MOB3B: variants seen among roughly 807,000 people sequenced by gnomAD.
MOB3B encodes the protein MOB kinase activator-like 2B.
Under a neutral mutation model 18.7 loss-of-function variants are expected in MOB3B, and 7 were observed. That is an observed-to-expected ratio of 0.37 (90% confidence interval 0.21 to 0.70). MOB3B has a LOEUF of 0.70. Among genes scored for constraint, MOB3B ranks in the 30% least tolerant of loss-of-function variants. MOB3B has a pLI of 0.52. For missense variants in MOB3B, 253 were observed against 281.3 expected (o/e 0.90, Z 0.72); for synonymous variants, 111 against 99.9 (o/e 1.11, Z -0.66).
intron 2 of MOB3B, among the ~76,000 whole-genome samples, chr9:27,447,049 G>T (rs1197200838): frequency 2.0e-5 from 3 of 152,084 alleles, no homozygotes; most frequent in African/African-American, 7.2e-5. Context: ...TGTCTGCAGA[G>T]ACCTTTGCAG....
chr9:27,389,238 C>T (rs1299704220), intron 2 of MOB3B, among the ~76,000 whole-genome samples: 1 of 152,168 alleles, frequency 6.6e-6, no homozygotes, highest in African/African-American at 2.4e-5. Flanking sequence ...ATCAGAAACT[C>T]TGGGAGTGGG....
chr9:27,442,535 G>A (rs899193846), intron 2 of MOB3B, among the ~76,000 whole-genome samples: 1 of 152,190 alleles, frequency 6.6e-6, no homozygotes, highest in Non-Finnish European at 1.5e-5. Flanking sequence ...CAGGAGACTG[G>A]AGGAGGGAAG....
At chr9:27,524,297 T>C (rs1587279117) in intron 1 of MOB3B, 3 of 1,585,228 alleles carry the variant, frequency 1.9e-6, no homozygotes, top group Non-Finnish European at 2.6e-6. Flanking sequence ...AACATCATTG[T>C]CATATACACA....
At chr9:27,512,376 G>A (rs1380885664) in intron 1 of MOB3B, among the ~76,000 whole-genome samples, 3 of 152,106 alleles carry the variant, frequency 2.0e-5, no homozygotes, top group Admixed American at 6.5e-5. Context: ...TGCCAAGTCC[G>A]AGACTCAGGC....
intron 2 of MOB3B, among the ~76,000 whole-genome samples, chr9:27,428,651 G>A (rs1485428322): frequency 6.6e-6 from 1 of 152,216 alleles, no homozygotes; most frequent in Non-Finnish European, 1.5e-5. Context: ...TTATTGCCAG[G>A]GAAGATGGCC....
At chr9:27,331,809 T>C (rs1330351883) in intron 3 of MOB3B, among the ~76,000 whole-genome samples, 2 of 152,170 alleles carry the variant, frequency 1.3e-5, no homozygotes, top group Non-Finnish European at 2.9e-5. Context: ...CCACACCTTA[T>C]ATAATAGGAA....
intron 2 of MOB3B, among the ~76,000 whole-genome samples, chr9:27,365,219 T>C (rs1034917344): frequency 4.7e-4 from 70 of 149,782 alleles, no homozygotes; most frequent in African/African-American, 1.7e-3. Flanking sequence ...AGACTCCTGA[T>C]ATATATAGTC....
intron 3 of MOB3B, among the ~76,000 whole-genome samples, chr9:27,340,214 G>A (rs540789668): frequency 3.9e-5 from 6 of 152,330 alleles, no homozygotes; most frequent in African/African-American, 1.4e-4. Flanking sequence ...GTGTGAATGT[G>A]TGCACATATG....
chr9:27,373,493 G>C (rs1469082138), intron 2 of MOB3B, among the ~76,000 whole-genome samples: 1 of 152,146 alleles, frequency 6.6e-6, no homozygotes, highest in African/African-American at 2.4e-5. Flanking sequence ...TCCAGCACTG[G>C]AAGTTGACCT....
intron 1 of MOB3B, among the ~76,000 whole-genome samples, chr9:27,465,485 A>G (rs1819367370): frequency 6.6e-6 from 1 of 152,150 alleles, no homozygotes; most frequent in African/African-American, 2.4e-5. Context: ...GCACAGTGCA[A>G]GCTGTCAGTG....
intron 2 of MOB3B, among the ~76,000 whole-genome samples, chr9:27,384,920 C>G (rs1416951269): frequency 1.3e-5 from 2 of 152,206 alleles, no homozygotes; most frequent in East Asian, 3.8e-4. Flanking sequence ...CCTCCAGTCC[C>G]TCTGCCAGGA....
intron 2 of MOB3B, among the ~76,000 whole-genome samples, chr9:27,426,916 G>A (rs147067708): frequency 1.2e-3 from 179 of 152,286 alleles, no homozygotes; most frequent in African/African-American, 3.9e-3. Flanking sequence ...TGGAATAGGC[G>A]GGATGCTTGA....
At chr9:27,478,571 T>G (rs1024641647) in intron 1 of MOB3B, among the ~76,000 whole-genome samples, 1 of 151,824 alleles carries the variant, frequency 6.6e-6, no homozygotes, top group Admixed American at 6.6e-5. Context: ...AAGATGGGTC[T>G]AAAGAAGTGT....
chr9:27,501,393 C>T (rs1051698773), intron 1 of MOB3B, among the ~76,000 whole-genome samples: 2 of 152,096 alleles, frequency 1.3e-5, no homozygotes, highest in Non-Finnish European at 2.9e-5. Context: ...AAATGTGGCA[C>T]ATACATACCA....
intron 2 of MOB3B, among the ~76,000 whole-genome samples, chr9:27,413,514 T>C (rs2131404129): frequency 6.6e-6 from 1 of 152,314 alleles, no homozygotes. Flanking sequence ...TGCCCACTGA[T>C]AAAGCAGTTA....
At chr9:27,387,131 C>A (rs945541278) in intron 2 of MOB3B, among the ~76,000 whole-genome samples, 1 of 152,064 alleles carries the variant, frequency 6.6e-6, no homozygotes, top group Non-Finnish European at 1.5e-5. Context: ...AAGTTGGATG[C>A]CTCCTTTAAA....
intron 2 of MOB3B, among the ~76,000 whole-genome samples, chr9:27,441,194 C>G (rs552982029): frequency 6.6e-6 from 1 of 152,148 alleles, no homozygotes; most frequent in African/African-American, 2.4e-5. Flanking sequence ...AAGCACTTAC[C>G]ATGCACTGTG....
In MOB3B at chr9:27,450,850, G is replaced by A. The variant is rs141118803; in HGVS notation, c.418+4283C>T. 4.8e-3 allele frequency among the ~76,000 whole-genome samples: 732 copies of A among 152,152 alleles called. 5 individuals carry two copies. Among genetic ancestry groups the A allele is most frequent in the Non-Finnish European group, 8.1e-3 (548 of 67,992 alleles). ...ATATTAACTTCATTTTTACTTTATTGGGTTGTAAGAATTAAGAAACATTAA... is the reference window on the plus strand; with the variant it reads ...ATATTAACTTCATTTTTACTTTATTAGGTTGTAAGAATTAAGAAACATTAA... On this transcript the variant is annotated intron_variant, in intron 2 of 3. Transcript: ENST00000262244.
intron 3 of MOB3B, among the ~76,000 whole-genome samples, chr9:27,333,803 C>G (rs529814168): frequency 6.6e-6 from 1 of 152,332 alleles, no homozygotes; most frequent in South Asian, 2.1e-4. Context: ...GTCAACAAAA[C>G]AAATTCCATC....
Sources: gnomAD v4.1 joint callset for allele counts (sites outside exome capture counted in the v4.1 genomes callset) on GRCh38, gnomAD v4.1.1 for gene constraint, MANE v1.5 for transcripts, NCBI Gene and HGNC (gene_info 2026-07-23, HGNC 2026-07-21) for gene names.